NEBL: variants seen among roughly 807,000 people sequenced by gnomAD.
The protein encoded by NEBL is nebulette.
A neutral mutation model predicts 140.2 loss-of-function variants in NEBL; 122 were observed. That is an observed-to-expected ratio of 0.87 (90% CI 0.75 to 1.01). NEBL has a LOEUF of 1.01. Ranked by LOEUF, NEBL falls within the 50% of genes least tolerant of loss-of-function variation. NEBL has a pLI of 0.00. For synonymous variants in NEBL, 436 were observed against 398.9 expected, an observed-to-expected ratio of 1.09 and a Z score of -1.11; for missense variants, 1,365 against 1,231.3, an observed-to-expected ratio of 1.11 and a Z score of -1.62.
Position 20,976,387 on chromosome 10 carries a change from A to G in NEBL, c.250-14608T>C, listed in dbSNP as rs551096129. Reference sequence around the variant, plus strand: ...GATTTCTCAAAGAACTGAAAAATAGAATTACCATTCGACCCAACAATCCCA... The same window carrying G: ...GATTTCTCAAAGAACTGAAAAATAGGATTACCATTCGACCCAACAATCCCA... On this transcript the variant is annotated intron_variant, in intron 3 of 6. Coordinates refer to the NEBL transcript ENST00000417816. 3.9e-5 allele frequency among the ~76,000 whole-genome samples: 6 copies of G among 152,110 alleles called. No homozygotes were observed. The South Asian group carries it at 1.2e-3, about 32-fold the overall frequency.
chr10:21,127,650 T>C (rs1018792394), intron 2 of NEBL, among the ~76,000 whole-genome samples: 1 of 151,788 alleles, frequency 6.6e-6, no homozygotes, highest in African/African-American at 2.4e-5. Flanking sequence ...GAGGCACAAA[T>C]TAAATGATAC....
intron 2 of NEBL, among the ~76,000 whole-genome samples, chr10:21,169,320 G>A (rs1244792279): frequency 6.6e-6 from 1 of 151,364 alleles, no homozygotes; most frequent in Non-Finnish European, 1.5e-5. Flanking sequence ...ACCAAACCAG[G>A]TACAGATAAA....
At chr10:21,105,100 C>T (rs766791171) in intron 2 of NEBL, among the ~76,000 whole-genome samples, 16 of 152,120 alleles carry the variant, frequency 1.1e-4, no homozygotes, top group African/African-American at 2.4e-4. Flanking sequence ...ATCTTTTTTA[C>T]ATATTGTTGA....
chr10:21,271,411 G>T (rs1232968469), intron 1 of NEBL, among the ~76,000 whole-genome samples: 2 of 152,088 alleles, frequency 1.3e-5, no homozygotes, highest in Non-Finnish European at 2.9e-5. Flanking sequence ...TTGGTGAAAG[G>T]TTACAAAATT....
chr10:20,813,059 T>A (rs1199296358), intron 23 of NEBL, 119 bp from the exon 24 acceptor site: 3 of 844,148 alleles, frequency 3.6e-6, no homozygotes, highest in Admixed American at 4.0e-5. Context: ...CATGTATGTA[T>A]CTTTTCCAAA....
At chr10:20,858,119 T>G (rs758364925) in intron 9 of NEBL, 121 bp downstream of exon 9, 5 of 765,156 alleles carry the variant, frequency 6.5e-6, no homozygotes, top group Non-Finnish European at 9.1e-6. Context: ...ATGAGTTAGT[T>G]AACGAGGGAG....
chr10:21,202,616 C>A (rs1841758046), intron 3 of NEBL, among the ~76,000 whole-genome samples: 1 of 151,946 alleles, frequency 6.6e-6, no homozygotes, highest in Non-Finnish European at 1.5e-5. Context: ...GCGCCTGCCA[C>A]CATGCCCGGC....
At chr10:21,281,686 G>A (rs1842996160) in intron 1 of NEBL, among the ~76,000 whole-genome samples, 1 of 152,024 alleles carries the variant, frequency 6.6e-6, no homozygotes, top group Non-Finnish European at 1.5e-5. Context: ...ATCACCTGGA[G>A]TCCATAGTTT....
chr10:21,162,055 A>T (rs11812369), intron 2 of NEBL, among the ~76,000 whole-genome samples: 1,684 of 152,322 alleles, frequency 0.011, 25 homozygotes, highest in African/African-American at 0.036. Flanking sequence ...TTGAACAATC[A>T]CATCACCAAT....
chr10:21,030,418 C>T, intron 2 of NEBL: 1 of 626,104 alleles, frequency 1.6e-6, no homozygotes, highest in Non-Finnish European at 3.0e-6. Context: ...ATGAAACACT[C>T]AGTAAGGAGG....
At chr10:21,130,595 C>A (rs1470391866) in intron 2 of NEBL, among the ~76,000 whole-genome samples, 1 of 151,908 alleles carries the variant, frequency 6.6e-6, no homozygotes, top group Non-Finnish European at 1.5e-5. Context: ...AAAGGAAAAT[C>A]CTGAAATATA....
rs761120845 is a variant in NEBL at position 20,896,946 on chromosome 10, C to A, written c.153+12G>T. ...AATGCAAAATAAGACAAAAATTACT[C>A]CAGCCACTTACATCGCTAATGAGTT... On this transcript the variant is annotated intron_variant, in intron 2 of 27. Transcript: ENST00000377122. The A allele has an allele frequency of 1.9e-6, 3 of 1,612,370 alleles. No individual in the cohort carries two copies. Among genetic ancestry groups the A allele is most frequent in the South Asian group, 1.1e-5 (1 of 91,026 alleles).
intron 1 of NEBL, among the ~76,000 whole-genome samples, chr10:21,265,625 T>C (rs374596657): frequency 1.3e-5 from 2 of 152,182 alleles, no homozygotes; most frequent in African/African-American, 4.8e-5. Flanking sequence ...AAGCCAATAG[T>C]GCGTTATCAA....
chr10:21,104,730 C>T (rs546235151), intron 2 of NEBL, among the ~76,000 whole-genome samples: 7 of 152,212 alleles, frequency 4.6e-5, no homozygotes, highest in Non-Finnish European at 7.3e-5. Flanking sequence ...TTTCTCCTGC[C>T]TTACTGCACT....
At chr10:21,138,577 A>C (rs1478617695) in intron 2 of NEBL, among the ~76,000 whole-genome samples, 1 of 152,212 alleles carries the variant, frequency 6.6e-6, no homozygotes, top group East Asian at 1.9e-4. Context: ...CAGAAACACG[A>C]CAAAAATGGG....
intron 3 of NEBL, among the ~76,000 whole-genome samples, chr10:20,978,115 T>G (rs1395139992): frequency 6.6e-6 from 1 of 152,102 alleles, no homozygotes; most frequent in Non-Finnish European, 1.5e-5. Context: ...GAAATAGATA[T>G]GAAAAATAGA....
Position 20,784,870 on chromosome 10 carries a change from G to C in NEBL, c.*877C>G, listed in dbSNP as rs1267831310. The C allele has an allele frequency of 6.6e-6, 1 of 152,370 alleles. No homozygotes were observed. Among genetic ancestry groups the C allele is most frequent in the African/African-American group, 2.4e-5 (1 of 41,434 alleles). The allele number at this position is 152,370 out of a possible 1,614,324, so 9.4% of individuals were successfully genotyped here. On this transcript the variant is annotated 3_prime_UTR_variant, in exon 28 of 28. Transcript: ENST00000377122. ...CAAAGTATGTTTTTCTGATGAGCTG[G>C]CGACTAGAGGAAGAAAGGGCTTTTA...
intron 3 of NEBL, among the ~76,000 whole-genome samples, chr10:21,196,446 G>A (rs1380702406): frequency 4.6e-5 from 7 of 151,794 alleles, no homozygotes; most frequent in Non-Finnish European, 1.0e-4. Context: ...CCGGGTTCAA[G>A]AGATTCTCCT....
chr10:21,173,937 C>A lies in NEBL; in HGVS notation c.-104G>T. ...CACCGCCTCCTGGCAGGCGGGAGGG[C>A]TGCGGGCGGCGGGCGCCGGGTAGGG... On this transcript the variant is annotated 5_prime_UTR_variant, in exon 1 of 7. Transcript: ENST00000417816. This position sits in a 1 kb window ranked among gnomAD's most constrained non-coding sequence, Gnocchi z 5.7. 7.1e-7 allele frequency: 1 copy of A among 1,401,442 alleles called. No homozygotes were observed. The highest frequency in any genetic ancestry group is 3.5e-5 in the Admixed American group (1 of 28,572). 86.8% of individuals were successfully genotyped at this position (1,401,442 alleles called of 1,614,324 possible). A position where few individuals can be genotyped will look rare whatever the true frequency, so the allele number is the denominator to read the frequency against.
Sources: gnomAD v4.1 joint callset for allele counts (sites outside exome capture counted in the v4.1 genomes callset) on GRCh38, gnomAD v4.1.1 for gene constraint, Gnocchi (gnomAD v3.1) non-coding constraint, MANE v1.5 for transcripts, NCBI Gene and HGNC (gene_info 2026-07-23, HGNC 2026-07-21) for gene names.